ABCG2: variants seen among roughly 807,000 people sequenced by gnomAD.
ABCG2 encodes the protein broad substrate specificity ATP-binding cassette transporter ABCG2.
Under a neutral mutation model 73.5 loss-of-function variants are expected in ABCG2, and 80 were observed. The ratio of observed to expected loss-of-function variants is 1.09; its 90% CI spans 0.91 to 1.31. The LOEUF (loss-of-function observed/expected upper bound fraction) is 1.31, where lower values mean the gene tolerates loss of function less well. Ranked by LOEUF, ABCG2 falls within the 50% of genes most tolerant of loss-of-function variation. The pLI, the probability that ABCG2 is intolerant of heterozygous loss-of-function variation, is 0.00. For synonymous variants in ABCG2, 269 were observed against 282.4 expected, an observed-to-expected ratio of 0.95 and a Z score of 0.48; for missense variants, 796 against 786.2, an observed-to-expected ratio of 1.01 and a Z score of -0.15.
intron 1 of ABCG2, among the ~76,000 whole-genome samples, chr4:88,148,313 G>A (rs1028262440): frequency 6.6e-6 from 1 of 152,126 alleles, no homozygotes; most frequent in African/African-American, 2.4e-5. Flanking sequence ...GAAGAAAGGA[G>A]AAGAGAAAAA....
intron 1 of ABCG2, among the ~76,000 whole-genome samples, chr4:88,176,156 T>C (rs1481015): frequency 0.98 from 148,570 of 150,926 alleles, 73,162 homozygotes; most frequent in Non-Finnish European, 1. Flanking sequence ...TGATTATTCT[T>C]GTTTTTTTTT....
intron 1 of ABCG2, among the ~76,000 whole-genome samples, chr4:88,218,233 C>T (rs914022358): frequency 1.3e-5 from 2 of 152,192 alleles, no homozygotes; most frequent in African/African-American, 4.8e-5. Flanking sequence ...TCTTTGCCTT[C>T]CTGATTACTT....
chr4:88,231,176 G>T (rs1730450642), exon 1 of ABCG2: 1 of 152,280 alleles, frequency 6.6e-6, no homozygotes. Flanking sequence ...CTTGGGGCAG[G>T]AGAAAGAATG....
chr4:88,196,522 T>C (rs952647127), intron 1 of ABCG2, among the ~76,000 whole-genome samples: 1 of 152,192 alleles, frequency 6.6e-6, no homozygotes, highest in Non-Finnish European at 1.5e-5. Flanking sequence ...CATTATTTGA[T>C]GCAAAAGCTG....
intron 10 of ABCG2, among the ~76,000 whole-genome samples, chr4:88,102,588 A>G (rs1232639973): frequency 1.7e-5 from 2 of 119,458 alleles, no homozygotes; most frequent in Non-Finnish European, 3.8e-5. Context: ...AGAGCGAGAC[A>G]CTGTCTCAAA....
At chr4:88,230,292 T>TAC (rs1730403083) in intron 1 of ABCG2, among the ~76,000 whole-genome samples, 1 of 14,386 alleles carries the variant, frequency 7.0e-5, no homozygotes, top group Non-Finnish European at 1.3e-4. Flanking sequence ...CCGCACCTGT[T>TAC]ATATATATAT....
intron 5 of ABCG2, among the ~76,000 whole-genome samples, chr4:88,122,481 G>A (rs569938925): frequency 3.3e-5 from 5 of 152,136 alleles, no homozygotes; most frequent in Non-Finnish European, 1.5e-5. Context: ...TGAGCTTGGT[G>A]GGGGGAGGGG....
intron 1 of ABCG2, among the ~76,000 whole-genome samples, chr4:88,183,302 A>C (rs1327418032): frequency 6.6e-6 from 1 of 151,964 alleles, no homozygotes; most frequent in East Asian, 1.9e-4. Context: ...TGAAAAGTTA[A>C]ACAAAATTGA....
intron 5 of ABCG2, among the ~76,000 whole-genome samples, chr4:88,125,630 A>G (rs991613461): frequency 1.3e-5 from 2 of 149,850 alleles, no homozygotes; most frequent in Admixed American, 1.3e-4. Context: ...AAAAAAAAAA[A>G]AAAAAACTGT....
At chr4:88,213,056 C>A (rs951532028) in intron 1 of ABCG2, among the ~76,000 whole-genome samples, 1 of 152,052 alleles carries the variant, frequency 6.6e-6, no homozygotes, top group African/African-American at 2.4e-5. Context: ...TGAATGCCAC[C>A]GCACCCAGCT....
rs555516102 is a variant in ABCG2 at position 88,183,530 on chromosome 4, T to C, written c.-19-43516A>G. 2.0e-4 allele frequency among the ~76,000 whole-genome samples: 31 copies of C among 152,096 alleles called. 1 individual carries two copies. In the East Asian group the frequency reaches 3.1e-3, roughly 15 times the overall value. On this transcript the variant is annotated intron_variant, in intron 1 of 15. Coordinates refer to the ABCG2 transcript ENST00000515655. ...GAATGAACCATAATGAAATCCAAAA[T>C]GTGAACAGACTAATAACAAGTAACA...
chr4:88,213,085 G>C (rs946283625), intron 1 of ABCG2, among the ~76,000 whole-genome samples: 7 of 152,048 alleles, frequency 4.6e-5, no homozygotes, highest in African/African-American at 1.7e-4. Context: ...AAAATTCTTT[G>C]TAGGGACGGG....
intron 5 of ABCG2, among the ~76,000 whole-genome samples, chr4:88,126,837 G>T (rs1024834635): frequency 6.6e-6 from 1 of 152,118 alleles, no homozygotes; most frequent in Non-Finnish European, 1.5e-5. Context: ...ATGGGCAAAA[G>T]CTGGAAGCAT....
intron 1 of ABCG2, among the ~76,000 whole-genome samples, chr4:88,150,317 C>T (rs1411959379): frequency 1.3e-5 from 2 of 152,144 alleles, no homozygotes; most frequent in African/African-American, 4.8e-5. Context: ...TCACGGAAGG[C>T]CTTTCCAGTG....
chr4:88,131,081 C>G lies in ABCG2; in HGVS notation c.511G>C (p.Asp171His). 1 of 1,613,992 alleles carries G rather than the reference C, an allele frequency of 6.2e-7. No individual in the cohort carries two copies. Among genetic ancestry groups the G allele is most frequent in the Non-Finnish European group, 8.5e-7 (1 of 1,179,986 alleles). Residue 171 changes from aspartate (D) to histidine (H), a missense_variant, in exon 5 of 16, where the codon GAT (aspartate) becomes CAT (histidine). By Grantham distance (81) the Asp-to-His change is moderately conservative (BLOSUM62 -1). Transcript: ENST00000237612. Reference sequence around the variant, plus strand: ...ATTACCTTGGAGTCTGCCACTTTATCCAGACCTAACTCTTGAATGACCCTG... The same window carrying G: ...ATTACCTTGGAGTCTGCCACTTTATGCAGACCTAACTCTTGAATGACCCTG... ...INRVIQELGL[D>H]KVADSKVGTQ...
chr4:88,193,415 T>C (rs1343552990), intron 1 of ABCG2, among the ~76,000 whole-genome samples: 1 of 152,200 alleles, frequency 6.6e-6, no homozygotes, highest in East Asian at 1.9e-4. Flanking sequence ...CACAAGGTTT[T>C]TGTGCTAAAA....
chr4:88,156,141 G>A lies in ABCG2; in HGVS notation c.-20+2245C>T, dbSNP rs377251819. Among the ~76,000 whole-genome samples the A allele has an allele frequency of 7.1e-4, 108 of 151,840 alleles. 6 individuals are homozygous for A. In the South Asian group the frequency reaches 0.02, roughly 28 times the overall value. On this transcript the variant is annotated intron_variant, in intron 1 of 15. Coordinates refer to ENST00000237612, the MANE Select transcript of ABCG2 (RefSeq NM_004827.3). ...TGTAATCCCAGCACTTTGGGAGGCC[G>A]AGGCGGGCAGATCACTTGAGGCCAG...
At chr4:88,109,964 T>C (rs184708133) in intron 9 of ABCG2, among the ~76,000 whole-genome samples, 1 of 152,290 alleles carries the variant, frequency 6.6e-6, no homozygotes, top group East Asian at 1.9e-4. Context: ...TTTATTATTT[T>C]TTAGAGACAA....
Position 88,117,603 on chromosome 4 carries a change from C to T in ABCG2, c.841+506G>A, listed in dbSNP as rs371145089. ...AGTGAGCCAAGATCACGTCACTGCACTCCAGCCTGGGCAATAGAGCAAGAC... is the reference window on the plus strand; with the variant it reads ...AGTGAGCCAAGATCACGTCACTGCATTCCAGCCTGGGCAATAGAGCAAGAC... On this transcript the variant is annotated intron_variant, in intron 7 of 15. Coordinates refer to ENST00000237612, the MANE Select transcript of ABCG2 (RefSeq NM_004827.3). Among the ~76,000 whole-genome samples, 62 of 152,266 alleles carry T rather than the reference C, an allele frequency of 4.1e-4. 2 individuals carry two copies. The South Asian group carries it at 0.012, about 29-fold the overall frequency.
Sources: gnomAD v4.1 joint callset for allele counts (sites outside exome capture counted in the v4.1 genomes callset) on GRCh38, gnomAD v4.1.1 for gene constraint, MANE v1.5 for transcripts, NCBI Gene and HGNC (gene_info 2026-07-23, HGNC 2026-07-21) for gene names.